The following UGGT1 variants were observed in gnomAD, a reference collection of about 807,000 sequenced individuals.
UGGT1 encodes the protein UDP-glucose glycoprotein glucosyltransferase 1.
UGGT1 carries 107 observed loss-of-function variants against 203.9 expected under a neutral mutation model. The ratio of observed to expected loss-of-function variants is 0.52; its 90% CI spans 0.45 to 0.62. The LOEUF is 0.62. Among genes scored for constraint, UGGT1 ranks in the 20% least tolerant of loss-of-function variants. The pLI is 0.00. For synonymous variants in UGGT1, 628 were observed against 653.5 expected, an observed-to-expected ratio of 0.96 and a Z score of 0.59; for missense variants, 1,673 against 1,867.2, an observed-to-expected ratio of 0.90 and a Z score of 1.92.
intron 26 of UGGT1, among the ~76,000 whole-genome samples, chr2:128,168,646 A>C (rs1690917222): frequency 6.6e-6 from 1 of 152,236 alleles, no homozygotes; most frequent in African/African-American, 2.4e-5. Flanking sequence ...AATCCTTTCA[A>C]GTTGAGTCCT....
chr2:128,136,086 GAGA>G lies in UGGT1; in HGVS notation c.1583+1131_1583+1133del, dbSNP rs571972419. On this transcript the variant is annotated intron_variant, in intron 15 of 40. Transcript: ENST00000259253. ...TGGTCTTCTGATTGCAAAGGCAGGT[GAGA>G]AGAAGGCACTTGAACTCCTAGGCAA... Among the ~76,000 whole-genome samples, 67 of 152,312 alleles carry G rather than the reference GAGA, an allele frequency of 4.4e-4. 1 individual carries two copies. In the South Asian group the frequency reaches 8.5e-3, roughly 19 times the overall value.
At chr2:128,111,184 T>C (rs1216760969) in intron 5 of UGGT1, among the ~76,000 whole-genome samples, 9 of 152,056 alleles carry the variant, frequency 5.9e-5, no homozygotes, top group Non-Finnish European at 1.0e-4. Flanking sequence ...GAGACCCAGT[T>C]TCTCCAAAAA....
rs1457442951 is a variant in UGGT1, at chr2:128,113,776, C to T, written c.696+518C>T. ...CGGGCGGATCACGAGGTCAGGAGAT[C>T]GAGACCATCCTGGCTAACACAGTGA... is the stretch of plus-strand genomic sequence containing the variant. On this transcript the variant is annotated intron_variant, in intron 6 of 40. Coordinates refer to ENST00000259253, the MANE Select transcript of UGGT1 (RefSeq NM_020120.4). Among the ~76,000 whole-genome samples, 5 of 3,504 alleles carry T rather than the reference C, an allele frequency of 1.4e-3. 2 individuals carry two copies. In the Admixed American group the frequency reaches 0.037, roughly 26 times the overall value. 2.3% of individuals were successfully genotyped at this position (3,504 alleles called of 152,430 possible).
At position 128,159,665 on chromosome 2, in the gene UGGT1, A is replaced by T; in HGVS notation, c.2507A>T (p.Glu836Val). 1 of 1,614,090 alleles carries T rather than the reference A, an allele frequency of 6.2e-7. No individual in the cohort carries two copies. Among genetic ancestry groups the T allele is most frequent in the South Asian group, 1.1e-5 (1 of 91,078 alleles). ...AACTTCATCACCAAAATGGCCAAGG[A>T]GGGGGCTGCAGAGGCCCTGGCTGCA... ...AKNFITKMAK[E>V]GAAEALAAGA... The change falls in exon 23 of 41, where the codon GAG becomes GTG. Residue 836 changes from glutamate (E) to valine (V), a missense_variant. Physicochemically the swap from Glu to Val is moderately radical, Grantham distance 121. Around this residue, in one of 4 missense-constraint regions of UGGT1, gnomAD observed 1,073 missense variants for 1,078.7 expected, o/e 0.99. Coordinates refer to ENST00000259253, the MANE Select transcript of UGGT1 (RefSeq NM_020120.4).
intron 15 of UGGT1, 55 bp downstream of exon 15, chr2:128,135,016 C>A: frequency 6.8e-7 from 1 of 1,481,398 alleles, no homozygotes; most frequent in Non-Finnish European, 9.4e-7. Flanking sequence ...TTTTATTTGT[C>A]ATTTTTAAAT....
intron 4 of UGGT1, among the ~76,000 whole-genome samples, chr2:128,109,125 C>G (rs1205986780): frequency 6.6e-6 from 1 of 152,152 alleles, no homozygotes; most frequent in Non-Finnish European, 1.5e-5. Context: ...CTCCTGACCA[C>G]AGGAGATCTG....
intron 5 of UGGT1, 98 bp from the exon 6 acceptor site, chr2:128,112,986 C>A: frequency 8.6e-7 from 1 of 1,158,550 alleles, no homozygotes; most frequent in Non-Finnish European, 1.2e-6. Context: ...TGCTTATAAT[C>A]TTTATTTGAA....
chr2:128,157,257 T>G lies in UGGT1; in HGVS notation c.2266T>G (p.Ser756Ala). The G allele has an allele frequency of 6.2e-7, 1 of 1,613,854 alleles. No individual in the cohort carries two copies. The highest frequency in any genetic ancestry group is 8.5e-7 in the Non-Finnish European group (1 of 1,179,760). The stretch of plus-strand genomic sequence containing the variant: ...CTGTTTTTGTTTTTCTACAGATGAT[T>G]CTTTTATTAGGCCAGTAACTTTTTG... ...GMSSKEIYDD[S>A]FIRPVTFWIV... The change falls in exon 22 of 41, where the codon TCT becomes GCT. Residue 756 changes from serine (S) to alanine (A), a missense_variant. Physicochemically the swap from Ser to Ala is moderately conservative, Grantham distance 99. Around this residue, in one of 4 missense-constraint regions of UGGT1, gnomAD observed 1,073 missense variants for 1,078.7 expected, o/e 0.99. Coordinates refer to ENST00000259253, the MANE Select transcript of UGGT1 (RefSeq NM_020120.4).
At chr2:128,164,658 T>A in intron 25 of UGGT1, 72 bp from the exon 26 acceptor site, 1 of 1,251,798 alleles carries the variant, frequency 8.0e-7, no homozygotes, top group Non-Finnish European at 1.2e-6. Context: ...TTTGGGCTGA[T>A]GATATGTTTG....
rs1358172723 is a variant in UGGT1, at chr2:128,194,644, A to G, written c.*4902A>G. ...ACATTTTTGTGGGATGATTGGAGTT[A>G]ATCAAATAAAGCTTGTCATGTGTGT... On this transcript the variant is annotated 3_prime_UTR_variant, in exon 41 of 41. Coordinates refer to ENST00000259253, the MANE Select transcript of UGGT1 (RefSeq NM_020120.4). 1 of 152,186 alleles carries G rather than the reference A, an allele frequency of 6.6e-6. No homozygotes were observed. Among genetic ancestry groups the G allele is most frequent in the Non-Finnish European group, 1.5e-5 (1 of 68,024 alleles). 9.4% of individuals were successfully genotyped at this position (152,186 alleles called of 1,614,324 possible).
intron 26 of UGGT1, among the ~76,000 whole-genome samples, chr2:128,168,084 A>C (rs1054295138): frequency 6.6e-6 from 1 of 152,148 alleles, no homozygotes; most frequent in Non-Finnish European, 1.5e-5. Flanking sequence ...AGAGGTGCAA[A>C]TTATATTAGG....
At chr2:128,103,139 T>C (rs1687456222) in intron 2 of UGGT1, 1 of 470,678 alleles carries the variant, frequency 2.1e-6, no homozygotes, top group Non-Finnish European at 4.4e-6. Flanking sequence ...AGTCTTCCTT[T>C]GGCTAGGTAA....
chr2:128,169,216 T>A (rs1414668679), intron 26 of UGGT1, among the ~76,000 whole-genome samples: 1 of 148,214 alleles, frequency 6.7e-6, no homozygotes, highest in Non-Finnish European at 1.5e-5. Flanking sequence ...TACAAAAAAA[T>A]ATAAATTAGC....
At chr2:128,149,383 G>T (rs1182960420) in intron 18 of UGGT1, among the ~76,000 whole-genome samples, 2 of 147,560 alleles carry the variant, frequency 1.4e-5, no homozygotes, top group Non-Finnish European at 3.0e-5. Context: ...GATGGCTCAT[G>T]CCTGTAATCC....
intron 11 of UGGT1, among the ~76,000 whole-genome samples, chr2:128,123,510 G>A (rs545815391): frequency 6.6e-6 from 1 of 152,310 alleles, no homozygotes; most frequent in South Asian, 2.1e-4. Flanking sequence ...ATTCACTTTC[G>A]ACATTTAGCT....
Position 128,192,213 on chromosome 2 carries a change from A to G in UGGT1, c.*2471A>G, listed in dbSNP as rs1357216323. 1 of 151,470 alleles carries G rather than the reference A, an allele frequency of 6.6e-6. No homozygotes were observed. Among genetic ancestry groups the G allele is most frequent in the Non-Finnish European group, 1.5e-5 (1 of 68,008 alleles). 9.4% of individuals were successfully genotyped at this position (151,470 alleles called of 1,614,324 possible). A position where few individuals can be genotyped will look rare whatever the true frequency, so the allele number is the denominator to read the frequency against. On this transcript the variant is annotated 3_prime_UTR_variant, in exon 41 of 41. Transcript: ENST00000259253. ...TCAGCTTAATAGTTGACTCTGAATA[A>G]TGCAAAACCCAGCTTGCTTCCAGAA...
At chr2:128,095,680 A>G (rs1444099572) in intron 1 of UGGT1, among the ~76,000 whole-genome samples, 1 of 152,082 alleles carries the variant, frequency 6.6e-6, no homozygotes, top group African/African-American at 2.4e-5. Context: ...TTGGTTTCCA[A>G]AGAAGCTGGC....
chr2:128,193,942 T>C lies in UGGT1; in HGVS notation c.*4200T>C, dbSNP rs1050676087. The C allele has an allele frequency of 1.3e-5, 2 of 152,232 alleles. No homozygotes were observed. The highest frequency in any genetic ancestry group is 4.8e-5 in the African/African-American group (2 of 41,454). The allele number at this position is 152,232 out of a possible 1,614,324, so 9.4% of individuals were successfully genotyped here. A position where few individuals can be genotyped will look rare whatever the true frequency, so the allele number is the denominator to read the frequency against. ...AAGAGTTACAAGGGAATTGTAGTCTTTTTCTGAATAGAATATTAGTACTGT... is the reference window on the plus strand; with the variant it reads ...AAGAGTTACAAGGGAATTGTAGTCTCTTTCTGAATAGAATATTAGTACTGT... On this transcript the variant is annotated 3_prime_UTR_variant, in exon 41 of 41. Transcript: ENST00000259253.
intron 19 of UGGT1, among the ~76,000 whole-genome samples, chr2:128,153,791 C>T (rs111381282): frequency 1.3e-5 from 2 of 152,058 alleles, no homozygotes; most frequent in African/African-American, 4.8e-5. Context: ...TATGTTAAGC[C>T]CAGGTGCAAT....
Sources: gnomAD v4.1 joint callset for allele counts (sites outside exome capture counted in the v4.1 genomes callset) on GRCh38, gnomAD v4.1.1 for gene constraint, gnomAD v4.1.1 regional missense constraint, MANE v1.5 for transcripts, NCBI Gene and HGNC (gene_info 2026-07-23, HGNC 2026-07-21) for gene names.